DLG2: variants seen among roughly 807,000 people sequenced by gnomAD.
DLG2 encodes discs large MAGUK scaffold protein 2.
DLG2 carries 45 observed loss-of-function variants against 132.5 expected under a neutral mutation model. The observed-to-expected ratio is 0.34, with a 90% CI of 0.27 to 0.44. The LOEUF (loss-of-function observed/expected upper bound fraction) is 0.44, where lower values mean the gene tolerates loss of function less well. DLG2 is among the 20% of genes least tolerant of loss of function. The probability of loss-of-function intolerance (pLI) is 1.00; values close to 1 mark genes in which losing one functional copy is unlikely to be tolerated. For missense variants in DLG2, 1,045 were observed against 1,196.9 expected (o/e 0.87, Z 1.87); for synonymous variants, 424 against 419.6 (o/e 1.01, Z -0.13).
intron 3 of DLG2, among the ~76,000 whole-genome samples, chr11:85,476,218 G>A (rs926110819): frequency 6.6e-6 from 1 of 152,014 alleles, no homozygotes; most frequent in Non-Finnish European, 1.5e-5. Flanking sequence ...TCTAAACATA[G>A]AAAAGGAAAA....
chr11:84,521,891 T>C (rs1196191904), intron 7 of DLG2, among the ~76,000 whole-genome samples: 4 of 152,216 alleles, frequency 2.6e-5, no homozygotes, highest in Non-Finnish European at 5.9e-5. Flanking sequence ...CTGGGCATGG[T>C]GGCTCAAGCC....
At chr11:84,397,391 T>C (rs2098814302) in intron 7 of DLG2, among the ~76,000 whole-genome samples, 1 of 152,260 alleles carries the variant, frequency 6.6e-6, no homozygotes, top group Admixed American at 6.5e-5. Flanking sequence ...AATTGTTTTA[T>C]TGTCTTCCTG....
At chr11:83,994,286 A>T (rs1012144355) in intron 11 of DLG2, among the ~76,000 whole-genome samples, 1 of 152,220 alleles carries the variant, frequency 6.6e-6, no homozygotes, top group African/African-American at 2.4e-5. Context: ...TTGTAGGAAT[A>T]TCTCATTCCC....
At chr11:85,136,332 G>T (rs758418912) in intron 5 of DLG2, among the ~76,000 whole-genome samples, 3 of 152,208 alleles carry the variant, frequency 2.0e-5, no homozygotes, top group Admixed American at 2.0e-4. Context: ...ATTTTGAAGT[G>T]TAGACCCATT....
chr11:84,579,754 A>C (rs1207576184), intron 6 of DLG2, among the ~76,000 whole-genome samples: 1 of 152,234 alleles, frequency 6.6e-6, no homozygotes, highest in Non-Finnish European at 1.5e-5. Flanking sequence ...GGAAGTAGGT[A>C]GAAGAACAGA....
rs949399220 is a variant in DLG2, at chr11:83,719,862, A to G, written c.1825+66828T>C. ...ATCATCAATGACAGTCAATAAGGAGACAGGAGAAAACACCAGTCTTAGCCT... is the reference window on the plus strand; with the variant it reads ...ATCATCAATGACAGTCAATAAGGAGGCAGGAGAAAACACCAGTCTTAGCCT... On this transcript the variant is annotated intron_variant, in intron 18 of 27. Transcript: ENST00000376104. Among the ~76,000 whole-genome samples the G allele has an allele frequency of 2.4e-4, 36 of 152,332 alleles. No homozygotes were observed. In the East Asian group the frequency reaches 4.1e-3, roughly 17 times the overall value.
chr11:85,069,222 C>A (rs560841003), intron 6 of DLG2, among the ~76,000 whole-genome samples: 1 of 152,030 alleles, frequency 6.6e-6, no homozygotes, highest in African/African-American at 2.4e-5. Context: ...TAGGCAATAC[C>A]ATTCAGGACA....
intron 3 of DLG2, among the ~76,000 whole-genome samples, chr11:85,492,713 C>G (rs1421711607): frequency 6.9e-6 from 1 of 145,596 alleles, no homozygotes; most frequent in East Asian, 1.9e-4. Context: ...GATGGTCTGA[C>G]TTAAAATATA....
chr11:85,535,037 G>T (rs1598343609), intron 3 of DLG2, among the ~76,000 whole-genome samples: 1 of 152,240 alleles, frequency 6.6e-6, no homozygotes, highest in East Asian at 1.9e-4. Context: ...CATTCTGACT[G>T]GTGTGACATG....
intron 6 of DLG2, among the ~76,000 whole-genome samples, chr11:84,936,247 T>C (rs2154094358): frequency 6.6e-6 from 1 of 152,306 alleles, no homozygotes; most frequent in Non-Finnish European, 1.5e-5. Context: ...TTTTAAGTTA[T>C]ATAAACTTTT....
chr11:85,308,257 A>G (rs960805454), intron 3 of DLG2, among the ~76,000 whole-genome samples: 6 of 151,332 alleles, frequency 4.0e-5, no homozygotes, highest in African/African-American at 2.4e-5. Context: ...TAAAGAAAAA[A>G]TTAAGGGGAA....
chr11:84,831,561 A>C (rs1241495555), intron 6 of DLG2, among the ~76,000 whole-genome samples: 1 of 151,562 alleles, frequency 6.6e-6, no homozygotes, highest in Non-Finnish European at 1.5e-5. Context: ...TGTTCTCTTC[A>C]CTTTACAGGA....
intron 7 of DLG2, among the ~76,000 whole-genome samples, chr11:84,517,126 A>G (rs2099276161): frequency 1.3e-5 from 2 of 150,588 alleles, no homozygotes; most frequent in African/African-American, 4.8e-5. Context: ...CTAAAAGCAC[A>G]GGAAAAAAAA....
intron 6 of DLG2, among the ~76,000 whole-genome samples, chr11:85,034,153 C>CT (rs1231873367): frequency 6.6e-6 from 1 of 151,310 alleles, no homozygotes; most frequent in African/African-American, 2.4e-5. Context: ...TTTCGGCTCA[C>CT]TGCAAGCTCC....
intron 7 of DLG2, among the ~76,000 whole-genome samples, chr11:84,507,286 C>T (rs962964828): frequency 6.6e-6 from 1 of 152,134 alleles, no homozygotes; most frequent in Non-Finnish European, 1.5e-5. Flanking sequence ...CACAGTTCAG[C>T]ATGGTAAATG....
At chr11:84,765,354 C>G (rs4944495) in intron 6 of DLG2, among the ~76,000 whole-genome samples, 136,747 of 152,070 alleles carry the variant, frequency 0.9, 62,431 homozygotes, top group Middle Eastern at 0.99. Flanking sequence ...ATGACATAAG[C>G]AACGTGCTAC....
chr11:84,854,542 T>C (rs1010304576), intron 6 of DLG2, among the ~76,000 whole-genome samples: 9 of 151,952 alleles, frequency 5.9e-5, no homozygotes, highest in Admixed American at 4.6e-4. Flanking sequence ...AAAACCCCTG[T>C]CTTCTATTTT....
At chr11:84,506,553 G>A (rs2099241917) in intron 7 of DLG2, among the ~76,000 whole-genome samples, 3 of 152,152 alleles carry the variant, frequency 2.0e-5, no homozygotes, top group Non-Finnish European at 1.5e-5. Context: ...AGCTGGAAAA[G>A]GCAAGGAAAC....
intron 5 of DLG2, among the ~76,000 whole-genome samples, chr11:85,149,611 T>G (rs1566937205): frequency 1.3e-5 from 2 of 152,086 alleles, no homozygotes; most frequent in Admixed American, 6.5e-5. Context: ...CAGAATATAC[T>G]TCATTGTTTT....
Sources: gnomAD v4.1 joint callset for allele counts (sites outside exome capture counted in the v4.1 genomes callset) on GRCh38, gnomAD v4.1.1 for gene constraint, MANE v1.5 for transcripts, NCBI Gene and HGNC (gene_info 2026-07-23, HGNC 2026-07-21) for gene names.